HYAL2: variants seen among roughly 807,000 people sequenced by gnomAD.
The protein encoded by HYAL2 is hyaluronidase-2.
HYAL2 carries 30 observed loss-of-function variants against 35.4 expected under a neutral mutation model. That is an observed-to-expected ratio of 0.85 (90% CI 0.63 to 1.15). The LOEUF (loss-of-function observed/expected upper bound fraction) is 1.15. Ranked by LOEUF, HYAL2 falls within the 50% of genes most tolerant of loss-of-function variation. The probability of loss-of-function intolerance (pLI) is 0.00; values close to 1 mark genes in which losing one functional copy is unlikely to be tolerated. For synonymous variants in HYAL2, 262 were observed against 252.8 expected (o/e 1.04, Z -0.34); for missense variants, 635 against 646.5 (o/e 0.98, Z 0.19).
chr3:50,318,221 G>A lies in HYAL2; in HGVS notation c.1330C>T (p.Gln444Ter). ...GCCTCGCTGGCACCTCCAGCTGCCT[G>A]CCTATGGTCCCACTGGCATTGCTCA... ...SGEQCQWDHR[Q>*]AAGGASEAWA... Residue 444 changes from glutamine (Q) to a stop codon, truncating the protein, a stop_gained, in exon 4 of 4, where the codon CAG becomes TAG. Coordinates refer to ENST00000357750, the MANE Select transcript of HYAL2 (RefSeq NM_003773.5). LOFTEE classifies it low-confidence loss of function (END_TRUNC). The surrounding 1 kb of genome is among the most constrained non-coding windows in gnomAD (Gnocchi z 4.5). 6.2e-7 allele frequency: 1 copy of A among 1,613,422 alleles called. No homozygotes were observed. Among genetic ancestry groups the A allele is most frequent in the African/African-American group, 1.3e-5 (1 of 75,072 alleles).
In HYAL2 at chr3:50,319,822, T is replaced by G. The variant is rs996763404; in HGVS notation, c.668A>C (p.Tyr223Ser). 4 of 1,613,706 alleles carry G rather than the reference T, an allele frequency of 2.5e-6. No homozygotes were observed. Among genetic ancestry groups the G allele is most frequent in the Non-Finnish European group, 3.4e-6 (4 of 1,180,010 alleles). Residue 223 changes from tyrosine (Y) to serine (S), a missense_variant, in exon 2 of 4, where the codon TAC (tyrosine) becomes TCC (serine). Coordinates refer to ENST00000357750, the MANE Select transcript of HYAL2 (RefSeq NM_003773.5). ...NHDYVQNWES[Y>S]TGRCPDVEVA... Reference sequence around the variant, plus strand: ...CTCAACATCAGGGCAGCGGCCTGTGTAGCTCTCCCAGTTCTGCACATAATC... The same window carrying G: ...CTCAACATCAGGGCAGCGGCCTGTGGAGCTCTCCCAGTTCTGCACATAATC...
At chr3:50,319,423 C>T in intron 2 of HYAL2, 146 bp downstream of exon 2, 1 of 721,498 alleles carries the variant, frequency 1.4e-6, no homozygotes, top group East Asian at 2.7e-5. Context: ...ATGATGTCAC[C>T]CTTTCAGGTT....
At position 50,318,133 on chromosome 3, in the gene HYAL2, A is replaced by G; in HGVS notation, c.1418T>C (p.Leu473Ser). ...ALAALAFTWT[L>S] ...AGGCAGCTAGGCAGGAGACCCCTAC[A>G]AGGTCCAGGTAAAGGCCAGGGCTGC... Residue 473 changes from leucine (L) to serine (S), a missense_variant, in exon 4 of 4, where the codon TTG becomes TCG. Leu to Ser is a moderately radical substitution (Grantham distance 145). Coordinates refer to ENST00000357750, the MANE Select transcript of HYAL2 (RefSeq NM_003773.5). This position sits in a 1 kb window ranked among gnomAD's most constrained non-coding sequence, Gnocchi z 4.5. The G allele has an allele frequency of 1.9e-6, 3 of 1,558,878 alleles. No individual in the cohort carries two copies. The highest frequency in any genetic ancestry group is 2.3e-5 in the East Asian group (1 of 44,366).
In HYAL2 at chr3:50,318,161, G is replaced by A; in HGVS notation, c.1390C>T (p.Leu464=). The change falls in exon 4 of 4, where the codon CTG becomes TTG. Residue 464 remains leucine, a synonymous_variant. Transcript: ENST00000357750. The surrounding 1 kb of genome is among the most constrained non-coding windows in gnomAD (Gnocchi z 4.5). ...AGSHLTSLLA[L]AALAFTWTL The stretch of plus-strand genomic sequence containing the variant: ...GTCCAGGTAAAGGCCAGGGCTGCCA[G>A]AGCCAGCAGACTGGTGAGGTGGGAC... The A allele has an allele frequency of 6.3e-7, 1 of 1,587,078 alleles. No homozygotes were observed. The highest frequency in any genetic ancestry group is 1.7e-5 in the Admixed American group (1 of 58,068).
chr3:50,318,389 G>A lies in HYAL2; in HGVS notation c.1162C>T (p.His388Tyr). The A allele has an allele frequency of 6.2e-7, 1 of 1,613,362 alleles. No homozygotes were observed. The highest frequency in any genetic ancestry group is 8.5e-7 in the Non-Finnish European group (1 of 1,180,040). Residue 388 changes from histidine (H) to tyrosine (Y), a missense_variant, in exon 4 of 4, where the codon CAT becomes TAT. Physicochemically the swap from His to Tyr is moderately conservative, Grantham distance 83 (BLOSUM62 2). Coordinates refer to ENST00000357750, the MANE Select transcript of HYAL2 (RefSeq NM_003773.5). This position sits in a 1 kb window ranked among gnomAD's most constrained non-coding sequence, Gnocchi z 4.5. ...AGGCGGAAACTGTTGGTGCTGAGAT[G>A]CAGGAAGGTACTGGCACTGGGGTTG... ...RRNPSASTFL[H>Y]LSTNSFRLVP...
In HYAL2 at chr3:50,319,821, G is replaced by A. The variant is rs781966445; in HGVS notation, c.669C>T (p.Tyr223=). 6.2e-7 allele frequency: 1 copy of A among 1,613,752 alleles called. No individual in the cohort carries two copies. The highest frequency in any genetic ancestry group is 1.1e-5 in the South Asian group (1 of 91,090). The change falls in exon 2 of 4, where the codon TAC becomes TAT. Residue 223 remains tyrosine (Y), a synonymous_variant. Coordinates refer to ENST00000357750, the MANE Select transcript of HYAL2 (RefSeq NM_003773.5). ...NHDYVQNWES[Y]TGRCPDVEVA... ...CCTCAACATCAGGGCAGCGGCCTGTGTAGCTCTCCCAGTTCTGCACATAAT... is the reference window on the plus strand; with the variant it reads ...CCTCAACATCAGGGCAGCGGCCTGTATAGCTCTCCCAGTTCTGCACATAAT...
chr3:50,319,494 G>A, intron 2 of HYAL2, 75 bp downstream of exon 2: 2 of 1,306,568 alleles, frequency 1.5e-6, no homozygotes, highest in Admixed American at 2.2e-5. Flanking sequence ...TAGTCCTATA[G>A]TGGCCCCTGA....
chr3:50,319,484 T>C (rs2109323953), intron 2 of HYAL2, 85 bp downstream of exon 2: 2 of 1,169,758 alleles, frequency 1.7e-6, no homozygotes, highest in East Asian at 2.6e-5. Context: ...ACTACAGGTA[T>C]AGTCCTATAG....
Position 50,319,992 on chromosome 3 carries a change from C to A in HYAL2, c.498G>T (p.Trp166Cys). The change falls in exon 2 of 4, where the codon TGG becomes TGT. Residue 166 changes from tryptophan to cysteine, a missense_variant. By Grantham distance (215) the Trp-to-Cys change is radical. Transcript: ENST00000357750. ...RQLVASRHPD[W>C]PPDRIVKQAQ... ...CCTGTTTGACTATGCGGTCTGGAGGCCAGTCAGGGTGACGACTGGCCACTA... is the reference window on the plus strand; with the variant it reads ...CCTGTTTGACTATGCGGTCTGGAGGACAGTCAGGGTGACGACTGGCCACTA... The A allele has an allele frequency of 6.2e-7, 1 of 1,613,372 alleles. No individual in the cohort carries two copies. Among genetic ancestry groups the A allele is most frequent in the Non-Finnish European group, 8.5e-7 (1 of 1,180,038 alleles).
rs143678537 is a variant in HYAL2 at position 50,318,367 on chromosome 3, C to T, written c.1184G>A (p.Arg395His). ...ACCAGGTGCATGGCCAGGCACTAGG[C>T]GGAAACTGTTGGTGCTGAGATGCAG... The part of the protein sequence containing the change: ...TFLHLSTNSF[R>H]LVPGHAPGEP... The change falls in exon 4 of 4, where the codon CGC (arginine) becomes CAC (histidine). Residue 395 changes from arginine (R) to histidine (H), a missense_variant. By Grantham distance (29) the Arg-to-His change is conservative. Coordinates refer to ENST00000357750, the MANE Select transcript of HYAL2 (RefSeq NM_003773.5). This position sits in a 1 kb window ranked among gnomAD's most constrained non-coding sequence, Gnocchi z 4.5. 20 of 1,613,428 alleles carry T rather than the reference C, an allele frequency of 1.2e-5. No homozygotes were observed. The highest frequency in any genetic ancestry group is 1.7e-5 in the Admixed American group (1 of 60,030).
Position 50,319,985 on chromosome 3 carries a change from C to G in HYAL2, c.505G>C (p.Asp169His). 6.2e-7 allele frequency: 1 copy of G among 1,613,452 alleles called. No individual in the cohort carries two copies. Among genetic ancestry groups the G allele is most frequent in the Non-Finnish European group, 8.5e-7 (1 of 1,180,044 alleles). ...TATTGTGCCTGTTTGACTATGCGGT[C>G]TGGAGGCCAGTCAGGGTGACGACTG... ...VASRHPDWPP[D>H]RIVKQAQYEF... The change falls in exon 2 of 4, where the codon GAC becomes CAC. Residue 169 changes from aspartate (D) to histidine (H), a missense_variant. Transcript: ENST00000357750.
Position 50,318,298 on chromosome 3 carries a change from A to G in HYAL2, c.1253T>C (p.Ile418Thr), listed in dbSNP as rs1553715845. ...GCGGAAGTGTGTCTGCAGGTGGTCA[A>G]TGTCGGCCCAACTGAGCTCCCCCAC... ...RPVGELSWAD[I>T]DHLQTHFRCQ... Residue 418 changes from isoleucine to threonine, a missense_variant, in exon 4 of 4, where the codon ATT (isoleucine) becomes ACT (threonine). Transcript: ENST00000357750. This position sits in a 1 kb window ranked among gnomAD's most constrained non-coding sequence, Gnocchi z 4.5. 5.6e-6 allele frequency: 9 copies of G among 1,613,576 alleles called. No homozygotes were observed. Among genetic ancestry groups the G allele is most frequent in the Middle Eastern group, 1.6e-4 (1 of 6,062 alleles).
In HYAL2 at chr3:50,320,443, G is replaced by A. The variant is rs782060503; in HGVS notation, c.47C>T (p.Ala16Val). 13 of 1,578,116 alleles carry A rather than the reference G, an allele frequency of 8.2e-6. No individual in the cohort carries two copies. The Admixed American group carries it at 8.7e-5, about 11-fold the overall frequency. ...GPTVTLALVL[A>V]VSWAMELKPT... is the part of the protein sequence containing the mutation. ...CTTGAGCTCCATGGCCCATGACACC[G>A]CCAGCACCAGGGCCAATGTAACGGT... is the stretch of plus-strand genomic sequence containing the variant. Residue 16 changes from alanine (A) to valine (V), a missense_variant, in exon 2 of 4, where the codon GCG (alanine) becomes GTG (valine). Transcript: ENST00000357750. The surrounding 1 kb of genome is among the most constrained non-coding windows in gnomAD (Gnocchi z 4.8).
In HYAL2 at chr3:50,320,554, AG is replaced by A. The variant is rs1456744985; in HGVS notation, c.-46-20del. On this transcript the variant is annotated intron_variant, in intron 1 of 3. Transcript: ENST00000357750. The surrounding 1 kb of genome is among the most constrained non-coding windows in gnomAD (Gnocchi z 4.8). ...TCAGGAACTGGAAGAAGGGTTGGGG[AG>A]AACAAGTCAGTCTAGGGAATACTGG... The A allele has an allele frequency of 1.0e-5, 14 of 1,385,594 alleles. No individual in the cohort carries two copies. Among genetic ancestry groups the A allele is most frequent in the Non-Finnish European group, 1.3e-5 (14 of 1,046,902 alleles). The allele number at this position is 1,385,594 out of a possible 1,614,324, so 85.8% of individuals were successfully genotyped here. A position where few individuals can be genotyped will look rare whatever the true frequency, so the allele number is the denominator to read the frequency against.
At position 50,318,475 on chromosome 3, in the gene HYAL2, G is replaced by GACA; in HGVS notation, c.1073_1075dup (p.Val358_Ser359insLeu). The GACA allele has an allele frequency of 6.2e-7, 1 of 1,613,020 alleles. No individual in the cohort carries two copies. The highest frequency in any genetic ancestry group is 8.5e-7 in the Non-Finnish European group (1 of 1,179,936). On this transcript the variant is annotated inframe_insertion, in exon 4 of 4. Coordinates refer to ENST00000357750, the MANE Select transcript of HYAL2 (RefSeq NM_003773.5). This position sits in a 1 kb window ranked among gnomAD's most constrained non-coding sequence, Gnocchi z 4.5. Reference sequence around the variant, plus strand: ...CCGGCTGCAATATTGGGTGGCCCAGGACACATTGACCACGTAGGGGACCAG... The same window carrying GACA: ...CCGGCTGCAATATTGGGTGGCCCAGGACAACACATTGACCACGTAGGGGACCAG...
chr3:50,318,626 CTATACCT>C lies in HYAL2; in HGVS notation c.1012-94_1012-88del, dbSNP rs1702612110. On this transcript the variant is annotated intron_variant, in intron 3 of 3. Coordinates refer to ENST00000357750, the MANE Select transcript of HYAL2 (RefSeq NM_003773.5). The surrounding 1 kb of genome is among the most constrained non-coding windows in gnomAD (Gnocchi z 4.5). ...GGAAACTGTGTCCACACTGTGATGA[CTATACCT>C]TATTTTAACTGCACACATTCATACA... 8.1e-7 allele frequency: 1 copy of C among 1,234,030 alleles called. No homozygotes were observed. Among genetic ancestry groups the C allele is most frequent in the Non-Finnish European group, 1.1e-6 (1 of 875,156 alleles). 76.4% of individuals were successfully genotyped at this position (1,234,030 alleles called of 1,614,324 possible).
intron 2 of HYAL2, 54 bp from the exon 3 acceptor site, chr3:50,319,099 G>A: frequency 7.4e-7 from 1 of 1,344,908 alleles, no homozygotes; most frequent in East Asian, 2.4e-5. Context: ...AGGGTGACAG[G>A]AACAGACAAG....
chr3:50,318,829 G>A lies in HYAL2; in HGVS notation c.1011+127C>T. On this transcript the variant is annotated intron_variant, in intron 3 of 3. Coordinates refer to ENST00000357750, the MANE Select transcript of HYAL2 (RefSeq NM_003773.5). This position sits in a 1 kb window ranked among gnomAD's most constrained non-coding sequence, Gnocchi z 4.5. The stretch of plus-strand genomic sequence containing the variant: ...GGGTGACCTCCTCCTGTTGCCACCA[G>A]GGATGCCTCGGGTGGGAGACAGACA... 1.2e-6 allele frequency: 1 copy of A among 848,160 alleles called. No homozygotes were observed. The highest frequency in any genetic ancestry group is 2.0e-6 in the Non-Finnish European group (1 of 509,742). 52.5% of individuals were successfully genotyped at this position (848,160 alleles called of 1,614,324 possible). A position where few individuals can be genotyped will look rare whatever the true frequency, so the allele number is the denominator to read the frequency against.
rs954448508 is a variant in HYAL2 at position 50,318,072 on chromosome 3, G to A, written c.*57C>T. The A allele has an allele frequency of 3.3e-6, 5 of 1,510,750 alleles. No individual in the cohort carries two copies. Among genetic ancestry groups the A allele is most frequent in the Non-Finnish European group, 3.6e-6 (4 of 1,126,504 alleles). The allele number at this position is 1,510,750 out of a possible 1,614,324, so 93.6% of individuals were successfully genotyped here. ...GTCCACCCCCTGCAGGGTCCTACAT[G>A]CCTAAGAGAGCCCTTGTGGTAGAGG... On this transcript the variant is annotated 3_prime_UTR_variant, in exon 4 of 4. Coordinates refer to ENST00000357750, the MANE Select transcript of HYAL2 (RefSeq NM_003773.5). This position sits in a 1 kb window ranked among gnomAD's most constrained non-coding sequence, Gnocchi z 4.5.
Sources: gnomAD v4.1 joint callset for allele counts on GRCh38, gnomAD v4.1.1 for gene constraint, Gnocchi (gnomAD v3.1) non-coding constraint, MANE v1.5 for transcripts, NCBI Gene and HGNC (gene_info 2026-07-23, HGNC 2026-07-21) for gene names.